Variants in ZBTB20 observed in about 807,000 individuals in gnomAD.
ZBTB20 encodes zinc finger and BTB domain-containing protein 20.
Under a neutral mutation model 56.9 loss-of-function variants are expected in ZBTB20, and 9 were observed. That is an observed-to-expected ratio of 0.16 (90% confidence interval 0.10 to 0.28). The LOEUF (loss-of-function observed/expected upper bound fraction) is 0.28, where lower values mean the gene tolerates loss of function less well. Ranked by LOEUF, ZBTB20 falls within the 10% of genes least tolerant of loss-of-function variation. The pLI, the probability that ZBTB20 is intolerant of heterozygous loss-of-function variation, is 1.00. For synonymous variants in ZBTB20, 417 were observed against 420.7 expected, an observed-to-expected ratio of 0.99 and a Z score of 0.11; for missense variants, 655 against 1,003.0, an observed-to-expected ratio of 0.65 and a Z score of 4.69.
intron 1 of ZBTB20, among the ~76,000 whole-genome samples, chr3:115,125,169 C>T (rs2084291084): frequency 6.6e-6 from 1 of 151,858 alleles, no homozygotes. Flanking sequence ...CAGTAAGACC[C>T]CACCTCTCCA....
chr3:114,888,041 G>A (rs2076665242), intron 4 of ZBTB20, among the ~76,000 whole-genome samples: 1 of 151,318 alleles, frequency 6.6e-6, no homozygotes, highest in African/African-American at 2.4e-5. Flanking sequence ...AACATCTTCT[G>A]ATCCAATCCT....
chr3:115,010,929 C>A (rs976014915), intron 2 of ZBTB20, among the ~76,000 whole-genome samples: 8 of 151,912 alleles, frequency 5.3e-5, no homozygotes, highest in Non-Finnish European at 1.5e-5. Context: ...AGAATTTTAT[C>A]AGATAAATTT....
intron 6 of ZBTB20, among the ~76,000 whole-genome samples, chr3:114,503,439 G>A (rs2044235941): frequency 6.6e-6 from 1 of 152,156 alleles, no homozygotes; most frequent in Non-Finnish European, 1.5e-5. Context: ...AATCTGCTAT[G>A]TAATTCTGAG....
At chr3:114,342,025 A>C (rs1414909790) in intron 11 of ZBTB20, among the ~76,000 whole-genome samples, 1 of 152,194 alleles carries the variant, frequency 6.6e-6, no homozygotes, top group African/African-American at 2.4e-5. Flanking sequence ...AGAACTTGGG[A>C]GCTCCTTAAA....
chr3:114,590,291 A>G (rs1179076733), intron 6 of ZBTB20, among the ~76,000 whole-genome samples: 2 of 151,938 alleles, frequency 1.3e-5, no homozygotes, highest in Non-Finnish European at 2.9e-5. Context: ...CCCCGTCTCT[A>G]CTAAAAATAC....
intron 7 of ZBTB20, among the ~76,000 whole-genome samples, chr3:114,401,002 C>A (rs907760196): frequency 6.6e-6 from 1 of 151,430 alleles, no homozygotes; most frequent in Non-Finnish European, 1.5e-5. Context: ...AACAGAGCTT[C>A]AATTGTCTTA....
intron 1 of ZBTB20, among the ~76,000 whole-genome samples, chr3:115,146,984 G>A (rs2085011977): frequency 6.7e-6 from 1 of 149,710 alleles, no homozygotes; most frequent in Non-Finnish European, 1.5e-5. Flanking sequence ...CCGGGGGAGG[G>A]GGCGCGGGCG....
chr3:114,582,932 C>T (rs193159166), intron 6 of ZBTB20, among the ~76,000 whole-genome samples: 1 of 152,256 alleles, frequency 6.6e-6, no homozygotes, highest in East Asian at 1.9e-4. Flanking sequence ...AGTGAGTGAC[C>T]AGAGGGATAT....
intron 6 of ZBTB20, among the ~76,000 whole-genome samples, chr3:114,683,285 C>T (rs1446097847): frequency 4.6e-5 from 7 of 152,230 alleles, no homozygotes; most frequent in African/African-American, 2.4e-5. Context: ...CACTGAGGTA[C>T]AGAAAGAGAG....
At chr3:115,115,588 T>G (rs1226403284) in intron 1 of ZBTB20, among the ~76,000 whole-genome samples, 1 of 152,112 alleles carries the variant, frequency 6.6e-6, no homozygotes, top group African/African-American at 2.4e-5. Flanking sequence ...ATACATATTC[T>G]AGCAGTATTT....
intron 1 of ZBTB20, among the ~76,000 whole-genome samples, chr3:115,089,426 C>T (rs2083106407): frequency 6.6e-6 from 1 of 151,824 alleles, no homozygotes; most frequent in African/African-American, 2.4e-5. Flanking sequence ...CCCTTCTGAC[C>T]ATTGAGAACC....
chr3:114,599,747 T>C lies in ZBTB20; in HGVS notation c.-295+93781A>G, dbSNP rs957147957. Among the ~76,000 whole-genome samples, 6 of 152,066 alleles carry C rather than the reference T, an allele frequency of 3.9e-5. No individual in the cohort carries two copies. In the East Asian group the frequency reaches 5.8e-4, roughly 15 times the overall value. ...TTTTATAGATGAGAAAACCCAGGCA[T>C]AGAAATGTTGAAAAACTTGCCCAAT... On this transcript the variant is annotated intron_variant, in intron 6 of 11. Transcript: ENST00000675478.
At chr3:114,753,383 A>G (rs985521267) in intron 5 of ZBTB20, among the ~76,000 whole-genome samples, 6 of 142,528 alleles carry the variant, frequency 4.2e-5, no homozygotes, top group African/African-American at 1.4e-4. Context: ...ATGTATATAC[A>G]CATACATGTA....
intron 7 of ZBTB20, among the ~76,000 whole-genome samples, chr3:114,405,663 G>T (rs564694271): frequency 6.6e-6 from 1 of 152,194 alleles, no homozygotes; most frequent in South Asian, 2.1e-4. Flanking sequence ...TAGGCATGTG[G>T]TAAACATAAT....
At chr3:114,531,852 G>T (rs1319894517) in intron 6 of ZBTB20, among the ~76,000 whole-genome samples, 2 of 152,174 alleles carry the variant, frequency 1.3e-5, no homozygotes, top group Non-Finnish European at 2.9e-5. Flanking sequence ...GCCAAAGCAG[G>T]GTGGGGCATC....
chr3:115,004,482 C>G (rs1462663049), intron 2 of ZBTB20, among the ~76,000 whole-genome samples: 1 of 151,540 alleles, frequency 6.6e-6, no homozygotes, highest in Non-Finnish European at 1.5e-5. Context: ...CTCTCAGAAA[C>G]AAGTTTTTCT....
At chr3:114,864,488 ATT>A (rs11293835) in intron 4 of ZBTB20, among the ~76,000 whole-genome samples, 2,494 of 149,516 alleles carry the variant, frequency 0.017, 34 homozygotes, top group Middle Eastern at 0.037. Context: ...AATTACAAGG[ATT>A]TTTTTTTTTG....
Position 115,040,491 on chromosome 3 carries a change from G to A in ZBTB20, c.-507+30728C>T, listed in dbSNP as rs1044038026. On this transcript the variant is annotated intron_variant, in intron 2 of 11. Transcript: ENST00000675478. ...GATTTAACTAGATAGCAAGGGAATG[G>A]AATGATATTTCAGGCAGAAGAAGCA... Among the ~76,000 whole-genome samples the A allele has an allele frequency of 3.7e-4, 57 of 152,070 alleles. 1 individual carries two copies. The highest frequency in any genetic ancestry group is 1.4e-3 in the African/African-American group (57 of 41,428).
In ZBTB20 at chr3:114,603,985, G is replaced by A. The variant is rs371546340; in HGVS notation, c.-295+89543C>T. ...ATCCAACTCCTGTCGAGATCAATTT[G>A]GCAAAACTTTTCAAAATTCAAGATG... On this transcript the variant is annotated intron_variant, in intron 6 of 11. Transcript: ENST00000675478. Among the ~76,000 whole-genome samples the A allele has an allele frequency of 4.1e-4, 62 of 151,974 alleles. 1 individual carries two copies. The South Asian group carries it at 0.012, about 29-fold the overall frequency.
Sources: allele counts gnomAD v4.1 joint callset (sites outside exome capture counted in the v4.1 genomes callset), GRCh38; gene constraint gnomAD v4.1.1; transcripts MANE v1.5; gene names NCBI Gene and HGNC (gene_info 2026-07-23, HGNC 2026-07-21).